ZMAT4: variants seen among roughly 807,000 people sequenced by gnomAD.
ZMAT4 encodes the protein zinc finger matrin-type protein 4.
A neutral mutation model predicts 28.7 loss-of-function variants in ZMAT4; 17 were observed. The ratio of observed to expected loss-of-function variants is 0.59; its 90% CI spans 0.41 to 0.89. ZMAT4 has a LOEUF of 0.89. ZMAT4 is among the 40% of genes least tolerant of loss of function. The pLI is 0.00. For synonymous variants in ZMAT4, 117 were observed against 109.2 expected (o/e 1.07, Z -0.44); for missense variants, 240 against 283.8 (o/e 0.85, Z 1.11).
intron 5 of ZMAT4, among the ~76,000 whole-genome samples, chr8:40,601,421 G>GAAGGAAGA (rs1328752503): frequency 2.0e-5 from 2 of 99,492 alleles, no homozygotes; most frequent in African/African-American, 5.6e-5. Context: ...AGGAAGGAAG[G>GAAGGAAGA]AAGGAAGGAA....
At chr8:40,864,689 C>A (rs1184350427) in intron 1 of ZMAT4, among the ~76,000 whole-genome samples, 2 of 152,140 alleles carry the variant, frequency 1.3e-5, no homozygotes, top group African/African-American at 4.8e-5. Context: ...TTGTGACCTA[C>A]CCCAGTGACT....
chr8:40,650,851 A>G (rs1175829819), intron 5 of ZMAT4, among the ~76,000 whole-genome samples: 2 of 151,978 alleles, frequency 1.3e-5, no homozygotes, highest in Non-Finnish European at 2.9e-5. Flanking sequence ...ATAGATGCAG[A>G]AAAAACCTTT....
intron 1 of ZMAT4, among the ~76,000 whole-genome samples, chr8:40,865,321 C>A (rs1435766331): frequency 6.6e-6 from 1 of 152,182 alleles, no homozygotes; most frequent in Non-Finnish European, 1.5e-5. Flanking sequence ...GACTGATATC[C>A]CTCTGAAAAT....
chr8:40,792,476 G>GAAGGAAGA (rs1201652995), intron 2 of ZMAT4, among the ~76,000 whole-genome samples: 3 of 2,270 alleles, frequency 1.3e-3, no homozygotes. Flanking sequence ...TAGTATTCAG[G>GAAGGAAGA]AAGGAAGGAA....
chr8:40,886,926 C>G (rs543845052), intron 1 of ZMAT4, among the ~76,000 whole-genome samples: 5 of 152,052 alleles, frequency 3.3e-5, no homozygotes, highest in Admixed American at 3.3e-4. Flanking sequence ...AATCCCAGCA[C>G]TTTGGGAGGC....
rs139970051 is a variant in ZMAT4 at position 40,697,784 on chromosome 8, G to A, written c.193-383C>T. ...TAATCATCATCAAAACTTACTCAGT[G>A]ACTGACTTTGACATACAGTTAGTAG... On this transcript the variant is annotated intron_variant, in intron 3 of 6. Coordinates refer to ENST00000297737, the MANE Select transcript of ZMAT4 (RefSeq NM_024645.3). Among the ~76,000 whole-genome samples, 74 of 144,300 alleles carry A rather than the reference G, an allele frequency of 5.1e-4. No individual in the cohort carries two copies. The East Asian group carries it at 0.013, about 26-fold the overall frequency. The allele number at this position is 144,300 out of a possible 152,430, so 94.7% of individuals were successfully genotyped here. A position where few individuals can be genotyped will look rare whatever the true frequency, so the allele number is the denominator to read the frequency against.
intron 5 of ZMAT4, among the ~76,000 whole-genome samples, chr8:40,583,144 C>T (rs942427252): frequency 1.3e-5 from 2 of 152,160 alleles, no homozygotes; most frequent in African/African-American, 2.4e-5. Flanking sequence ...GAAGGGATTG[C>T]ACAGAACTAC....
chr8:40,560,200 T>TAC (rs1345352290), intron 6 of ZMAT4, among the ~76,000 whole-genome samples: 1 of 115,278 alleles, frequency 8.7e-6, no homozygotes, highest in Non-Finnish European at 1.9e-5. Context: ...TCAAACTTTA[T>TAC]ATATATATAT....
At chr8:40,767,338 A>G (rs750561691) in intron 3 of ZMAT4, among the ~76,000 whole-genome samples, 1 of 152,104 alleles carries the variant, frequency 6.6e-6, no homozygotes, top group Non-Finnish European at 1.5e-5. Context: ...ATACTTCATC[A>G]TGTTGTGGTC....
chr8:40,710,861 A>G (rs1248623707), intron 3 of ZMAT4, among the ~76,000 whole-genome samples: 2 of 151,742 alleles, frequency 1.3e-5, no homozygotes, highest in Non-Finnish European at 2.9e-5. Context: ...GCTCACTGCA[A>G]CCTCCACCTC....
At chr8:40,850,837 T>C (rs7831011) in intron 1 of ZMAT4, among the ~76,000 whole-genome samples, 3 of 152,160 alleles carry the variant, frequency 2.0e-5, no homozygotes, top group African/African-American at 7.2e-5. Flanking sequence ...ACTTCTCAAG[T>C]TTTTTATTCT....
chr8:40,650,549 A>C (rs542782398), intron 5 of ZMAT4, among the ~76,000 whole-genome samples: 1 of 134,800 alleles, frequency 7.4e-6, no homozygotes, highest in African/African-American at 2.6e-5. Context: ...CAATAGAAAA[A>C]GAGGGAATCC....
At chr8:40,718,498 C>A (rs1327555710) in intron 3 of ZMAT4, among the ~76,000 whole-genome samples, 3 of 119,158 alleles carry the variant, frequency 2.5e-5, no homozygotes, top group African/African-American at 1.0e-4. Flanking sequence ...TAGGAAACTG[C>A]AATTATGATT....
chr8:40,894,907 ATTTTAATATGT>A (rs1818818496), intron 1 of ZMAT4, among the ~76,000 whole-genome samples: 1 of 152,238 alleles, frequency 6.6e-6, no homozygotes, highest in Non-Finnish European at 1.5e-5. Context: ...TCTGATAAAA[ATTTTAATATGT>A]TTTCAGTCTT....
intron 1 of ZMAT4, among the ~76,000 whole-genome samples, chr8:40,879,093 T>TGAAAA: frequency 6.6e-6 from 1 of 152,164 alleles, no homozygotes; most frequent in Non-Finnish European, 1.5e-5. Flanking sequence ...TGATGCTGTC[T>TGAAAA]CCACAGCACA....
chr8:40,840,672 T>G (rs923155801), intron 1 of ZMAT4, among the ~76,000 whole-genome samples: 4 of 152,170 alleles, frequency 2.6e-5, no homozygotes, highest in African/African-American at 9.7e-5. Context: ...ATTGTCTGAG[T>G]AGCATTTATG....
intron 1 of ZMAT4, among the ~76,000 whole-genome samples, chr8:40,874,277 C>T (rs550481867): frequency 6.6e-6 from 1 of 152,232 alleles, no homozygotes; most frequent in Non-Finnish European, 1.5e-5. Flanking sequence ...ACACCCGTCA[C>T]GTCCAGCTGT....
intron 5 of ZMAT4, among the ~76,000 whole-genome samples, chr8:40,619,032 C>T (rs898205109): frequency 1.3e-5 from 2 of 152,172 alleles, no homozygotes; most frequent in African/African-American, 2.4e-5. Context: ...TTGGAGTAGT[C>T]CCACCTGAGA....
intron 5 of ZMAT4, among the ~76,000 whole-genome samples, chr8:40,669,466 C>T (rs111410790): frequency 0.011 from 1,711 of 151,928 alleles, 25 homozygotes; most frequent in African/African-American, 0.04. Context: ...TCTCCTTCCA[C>T]CTTTTCCACC....
Sources: gnomAD v4.1 joint callset for allele counts (sites outside exome capture counted in the v4.1 genomes callset) on GRCh38, gnomAD v4.1.1 for gene constraint, MANE v1.5 for transcripts, NCBI Gene and HGNC (gene_info 2026-07-23, HGNC 2026-07-21) for gene names.